AFAP1L2: variants seen among roughly 807,000 people sequenced by gnomAD.
AFAP1L2 encodes actin filament associated protein 1 like 2.
In AFAP1L2, 46 loss-of-function variants were observed where a neutral mutation model predicts 99.3. That is an observed-to-expected ratio of 0.46 (90% CI 0.37 to 0.59). AFAP1L2 has a LOEUF of 0.59. AFAP1L2 is among the 20% of genes least tolerant of loss of function. The pLI is 0.00. For missense variants in AFAP1L2, 959 were observed against 1,034.9 expected (o/e 0.93, Z 1.01); for synonymous variants, 397 against 419.1 (o/e 0.95, Z 0.64).
intron 4 of AFAP1L2, among the ~76,000 whole-genome samples, chr10:114,324,546 C>T (rs1020283759): frequency 4.6e-5 from 7 of 152,262 alleles, no homozygotes; most frequent in Non-Finnish European, 1.0e-4. Context: ...CCACCATGCC[C>T]GTGGTGTCTT....
intron 8 of AFAP1L2, among the ~76,000 whole-genome samples, chr10:114,309,658 C>A (rs1409389168): frequency 6.6e-6 from 1 of 152,164 alleles, no homozygotes; most frequent in African/African-American, 2.4e-5. Context: ...GGACTACAGC[C>A]CTTTGGTTGC....
intron 17 of AFAP1L2, 57 bp downstream of exon 17, chr10:114,297,163 C>CCAACCCAA: frequency 6.2e-7 from 1 of 1,608,184 alleles, no homozygotes; most frequent in Non-Finnish European, 8.5e-7. Context: ...CCACCCACCC[C>CCAACCCAA]AACCCATGTC....
intron 1 of AFAP1L2, among the ~76,000 whole-genome samples, chr10:114,361,063 G>A (rs146621228): frequency 4.9e-4 from 74 of 152,180 alleles, no homozygotes; most frequent in Non-Finnish European, 6.0e-4. Flanking sequence ...CTCACATATC[G>A]GCAGACAGGA....
intron 10 of AFAP1L2, among the ~76,000 whole-genome samples, chr10:114,305,394 AG>A (rs2042041004): frequency 7.9e-6 from 1 of 126,972 alleles, no homozygotes; most frequent in Non-Finnish European, 1.7e-5. Flanking sequence ...GGGCTGCAGG[AG>A]GGGACGGCGC....
intron 15 of AFAP1L2, 151 bp downstream of exon 15, chr10:114,300,043 G>A: frequency 9.1e-7 from 1 of 1,103,874 alleles, no homozygotes; most frequent in South Asian, 1.6e-5. Flanking sequence ...CTTGCAGAAG[G>A]CCTATCGTGG....
At chr10:114,367,758 T>A (rs1173937071) in intron 1 of AFAP1L2, among the ~76,000 whole-genome samples, 2 of 152,150 alleles carry the variant, frequency 1.3e-5, no homozygotes, top group African/African-American at 4.8e-5. Context: ...GAGAGACTGC[T>A]CCCCACCCTT....
intron 1 of AFAP1L2, among the ~76,000 whole-genome samples, chr10:114,373,407 C>A (rs1225279191): frequency 6.6e-6 from 1 of 152,136 alleles, no homozygotes; most frequent in East Asian, 1.9e-4. Context: ...GGGCAGATCA[C>A]CTGAGGTCAG....
chr10:114,315,697 C>A lies in AFAP1L2; in HGVS notation c.475G>T (p.Ala159Ser). ...DEEDGSKGKS[A>S]PYQWPSPEAG... The stretch of plus-strand genomic sequence containing the variant: ...TCCGGCGAGGGCCACTGGTAAGGGG[C>A]CGACTTGCCCTTGCTGCCGTCCTCT... The change falls in exon 6 of 19, where the codon GCC (alanine) becomes TCC (serine). Residue 159 changes from alanine (A) to serine (S), a missense_variant. Coordinates refer to ENST00000304129, the MANE Select transcript of AFAP1L2 (RefSeq NM_001001936.3). 1 of 1,613,704 alleles carries A rather than the reference C, an allele frequency of 6.2e-7. No individual in the cohort carries two copies. The highest frequency in any genetic ancestry group is 8.5e-7 in the Non-Finnish European group (1 of 1,179,968).
At chr10:114,325,946 C>G in intron 4 of AFAP1L2, 1 of 1,289,382 alleles carries the variant, frequency 7.8e-7, no homozygotes, top group South Asian at 1.2e-5. Flanking sequence ...GCTGGGCCTC[C>G]AGCTCCAGCC....
At chr10:114,399,464 C>T (rs1369026681) in intron 1 of AFAP1L2, among the ~76,000 whole-genome samples, 1 of 152,188 alleles carries the variant, frequency 6.6e-6, no homozygotes, top group African/African-American at 2.4e-5. Context: ...GCTTTGAGCA[C>T]TTCTTTCCTA....
chr10:114,349,344 C>T (rs11196710), intron 1 of AFAP1L2, among the ~76,000 whole-genome samples: 10 of 146,200 alleles, frequency 6.8e-5, no homozygotes, highest in African/African-American at 2.5e-4. Context: ...CACCATTGCT[C>T]TCCACTCCAG....
At chr10:114,303,639 C>T (rs2041619397) in intron 11 of AFAP1L2, among the ~76,000 whole-genome samples, 1 of 152,228 alleles carries the variant, frequency 6.6e-6, no homozygotes, top group South Asian at 2.1e-4. Flanking sequence ...CTAAATACAG[C>T]TTTTCATGGG....
chr10:114,379,645 T>G (rs1333931461), intron 1 of AFAP1L2, among the ~76,000 whole-genome samples: 1 of 152,208 alleles, frequency 6.6e-6, no homozygotes, highest in Non-Finnish European at 1.5e-5. Flanking sequence ...ATTGCATGTT[T>G]ATTGCTAGTT....
chr10:114,344,327 T>G (rs1564930674), intron 1 of AFAP1L2, among the ~76,000 whole-genome samples: 1 of 152,100 alleles, frequency 6.6e-6, no homozygotes, highest in Non-Finnish European at 1.5e-5. Context: ...AGCCTTGAAC[T>G]CAACTTCAGG....
intron 1 of AFAP1L2, among the ~76,000 whole-genome samples, chr10:114,345,240 C>T (rs1319074201): frequency 1.3e-5 from 2 of 150,332 alleles, no homozygotes; most frequent in Admixed American, 1.3e-4. Context: ...GGGTGGGCCT[C>T]AAAGGGGAGA....
chr10:114,289,670 T>C, the AFAP1L2 span: 2 of 653,264 alleles, frequency 3.1e-6, no homozygotes, highest in African/African-American at 1.8e-5. Flanking sequence ...ATAACCATCC[T>C]ATTTGACATT....
At chr10:114,298,143 T>C (rs1223124532) in intron 16 of AFAP1L2, among the ~76,000 whole-genome samples, 2 of 152,044 alleles carry the variant, frequency 1.3e-5, no homozygotes, top group Admixed American at 1.3e-4. Context: ...TTTGGGAGGC[T>C]GAGGCAGGCA....
At chr10:114,317,437 C>A (rs1034234781) in intron 5 of AFAP1L2, among the ~76,000 whole-genome samples, 3 of 152,102 alleles carry the variant, frequency 2.0e-5, no homozygotes, top group Non-Finnish European at 4.4e-5. Context: ...TTATAGGTGA[C>A]AACGTAAATT....
chr10:114,404,365 A>G, intron 1 of AFAP1L2, 75 bp downstream of exon 1: 1 of 1,452,898 alleles, frequency 6.9e-7, no homozygotes, highest in South Asian at 1.2e-5. Context: ...TGGCAAGACG[A>G]GTCCTAGCCC....
Sources: gnomAD v4.1 joint callset for allele counts (sites outside exome capture counted in the v4.1 genomes callset) on GRCh38, gnomAD v4.1.1 for gene constraint, MANE v1.5 for transcripts, NCBI Gene and HGNC (gene_info 2026-07-23, HGNC 2026-07-21) for gene names.